Variants in STAM2 observed in about 807,000 individuals in gnomAD.
STAM2 encodes the protein signal transducing adapter molecule 2.
In STAM2, 51 loss-of-function variants were observed where a neutral mutation model predicts 65.6. The observed-to-expected ratio is 0.78, with a 90% CI of 0.62 to 0.98. The LOEUF is 0.98. Among genes scored for constraint, STAM2 ranks in the 50% least tolerant of loss-of-function variants. The pLI is 0.00. For missense variants in STAM2, 584 were observed against 617.8 expected (o/e 0.95, Z 0.58); for synonymous variants, 198 against 208.4 (o/e 0.95, Z 0.43).
At chr2:152,127,353 T>C (rs1177361419) in intron 11 of STAM2, among the ~76,000 whole-genome samples, 1 of 152,150 alleles carries the variant, frequency 6.6e-6, no homozygotes, top group Admixed American at 6.6e-5. Flanking sequence ...CAATTCATAA[T>C]TTCGGTGCTG....
intron 1 of STAM2, 37 bp downstream of exon 1, chr2:152,175,566 A>C: frequency 6.2e-7 from 1 of 1,613,268 alleles, no homozygotes; most frequent in Non-Finnish European, 8.5e-7. Flanking sequence ...GTCCAGGGCC[A>C]GGCACACAGC....
intron 1 of STAM2, among the ~76,000 whole-genome samples, chr2:152,154,714 C>T (rs1394489205): frequency 2.0e-5 from 3 of 152,158 alleles, no homozygotes; most frequent in African/African-American, 7.2e-5. Context: ...AAATATTCCC[C>T]ACTAACATTG....
intron 1 of STAM2, among the ~76,000 whole-genome samples, chr2:152,163,177 G>A (rs142865921): frequency 1.9e-3 from 285 of 152,300 alleles, no homozygotes; most frequent in African/African-American, 6.6e-3. Flanking sequence ...GACCCAGAAC[G>A]AATGGAGGGA....
chr2:152,151,149 CAG>C (rs1689437593), intron 1 of STAM2, among the ~76,000 whole-genome samples: 1 of 147,874 alleles, frequency 6.8e-6, no homozygotes, highest in Non-Finnish European at 1.5e-5. Context: ...AAGCTAACAG[CAG>C]AAGAATTTAT....
rs1254295339 is a variant in STAM2 at position 152,119,542 on chromosome 2, C to T, written c.*1032G>A. On this transcript the variant is annotated 3_prime_UTR_variant, in exon 14 of 14. Coordinates refer to ENST00000263904, the MANE Select transcript of STAM2 (RefSeq NM_005843.6). Reference sequence around the variant, plus strand: ...ACTAAAAACACACTTATCATCCATGCTTGGTATATCTCACAACAAATTATT... The same window carrying T: ...ACTAAAAACACACTTATCATCCATGTTTGGTATATCTCACAACAAATTATT... The T allele has an allele frequency of 1.3e-5, 2 of 152,162 alleles. No individual in the cohort carries two copies. Among genetic ancestry groups the T allele is most frequent in the African/African-American group, 2.4e-5 (1 of 41,440 alleles). The allele number at this position is 152,162 out of a possible 1,614,324, so 9.4% of individuals were successfully genotyped here.
chr2:152,148,456 G>C (rs1282673520), intron 2 of STAM2, among the ~76,000 whole-genome samples, 156 bp from the exon 3 acceptor site: 1 of 152,142 alleles, frequency 6.6e-6, no homozygotes. Context: ...GATCACTTGA[G>C]CCCATGAATT....
intron 3 of STAM2, 23 bp from the exon 4 acceptor site, chr2:152,148,145 A>T (rs762315116): frequency 1.3e-6 from 2 of 1,589,850 alleles, no homozygotes; most frequent in East Asian, 4.5e-5. Context: ...ATAAAAATAT[A>T]TGAATATTGA....
Position 152,127,684 on chromosome 2 carries a change from TGTTG to T in STAM2, c.1026-1309_1026-1306del, listed in dbSNP as rs539139108. 4.4e-4 allele frequency among the ~76,000 whole-genome samples: 67 copies of T among 152,202 alleles called. No individual in the cohort carries two copies. The South Asian group carries it at 0.014, about 31-fold the overall frequency. ...GTAAGACTAATCTCTACAGCTCATT[TGTTG>T]GTTGGTTGATTTTGAGAAAGTAAAC... On this transcript the variant is annotated intron_variant, in intron 11 of 13. Transcript: ENST00000263904.
intron 13 of STAM2, 48 bp downstream of exon 13, chr2:152,123,718 T>A: frequency 6.4e-7 from 1 of 1,562,848 alleles, no homozygotes; most frequent in Non-Finnish European, 8.8e-7. Flanking sequence ...ATTCTGAAAA[T>A]CTAGGAAAAT....
chr2:152,122,733 TA>T (rs1688879547), intron 13 of STAM2, among the ~76,000 whole-genome samples: 1 of 152,116 alleles, frequency 6.6e-6, no homozygotes, highest in East Asian at 1.9e-4. Context: ...AAGAAAGATT[TA>T]AATACAACTC....
intron 1 of STAM2, among the ~76,000 whole-genome samples, chr2:152,153,885 T>TACACACACACACAC (rs70974824): frequency 1.4e-4 from 20 of 144,950 alleles, no homozygotes; most frequent in African/African-American, 3.6e-4. Flanking sequence ...AGACATTACA[T>TACACACACACACAC]ACACACACAC....
At chr2:152,125,059 A>G (rs1688941727) in intron 12 of STAM2, among the ~76,000 whole-genome samples, 1 of 152,216 alleles carries the variant, frequency 6.6e-6, no homozygotes, top group Non-Finnish European at 1.5e-5. Context: ...GAATGCAACT[A>G]AACACCAAAA....
At chr2:152,126,849 T>G (rs1012927083) in intron 11 of STAM2, among the ~76,000 whole-genome samples, 2 of 152,220 alleles carry the variant, frequency 1.3e-5, no homozygotes, top group African/African-American at 4.8e-5. Flanking sequence ...TCAGACTGAC[T>G]GTGGGCGGAG....
intron 7 of STAM2, among the ~76,000 whole-genome samples, chr2:152,141,107 C>G (rs1159030737): frequency 1.4e-5 from 2 of 145,228 alleles, no homozygotes; most frequent in Non-Finnish European, 3.0e-5. Context: ...CCATTGCACT[C>G]CAGCCTGGGC....
intron 8 of STAM2, 99 bp from the exon 9 acceptor site, chr2:152,133,583 T>A (rs1005742615): frequency 5.0e-5 from 41 of 817,164 alleles, no homozygotes; most frequent in Non-Finnish European, 6.5e-5. Flanking sequence ...GAAAAAAAAA[T>A]AAAAGTCCTT....
Position 152,153,828 on chromosome 2 carries a change from C to T in STAM2, c.41-3599G>A, listed in dbSNP as rs147012424. ...GACAAGGAAAAACCTCCTAATTCTA[C>T]GAATCCTTTTTCCAATCCCTTTTAA... On this transcript the variant is annotated intron_variant, in intron 1 of 13. Transcript: ENST00000263904. Among the ~76,000 whole-genome samples the T allele has an allele frequency of 3.2e-4, 48 of 149,662 alleles. No individual in the cohort carries two copies. The East Asian group carries it at 8.8e-3, about 27-fold the overall frequency.
At chr2:152,165,221 C>G (rs1431675288) in intron 1 of STAM2, among the ~76,000 whole-genome samples, 3 of 151,686 alleles carry the variant, frequency 2.0e-5, no homozygotes, top group Middle Eastern at 6.8e-3. Flanking sequence ...GTCAGGAGAT[C>G]AAGACGAGCC....
chr2:152,144,667 T>C, intron 6 of STAM2: 1 of 384,474 alleles, frequency 2.6e-6, no homozygotes, highest in Non-Finnish European at 4.8e-6. Flanking sequence ...GCCTCCCGAG[T>C]AGTTGGGACT....
At chr2:152,158,083 A>G (rs1029736006) in intron 1 of STAM2, among the ~76,000 whole-genome samples, 6 of 152,260 alleles carry the variant, frequency 3.9e-5, no homozygotes, top group African/African-American at 7.2e-5. Flanking sequence ...AGACATTATT[A>G]TATTTTCAAG....
Sources: gnomAD v4.1 joint callset for allele counts (sites outside exome capture counted in the v4.1 genomes callset) on GRCh38, gnomAD v4.1.1 for gene constraint, MANE v1.5 for transcripts, NCBI Gene and HGNC (gene_info 2026-07-23, HGNC 2026-07-21) for gene names.